Variants in TRPM3 observed in about 807,000 individuals in gnomAD.
TRPM3 encodes long transient receptor potential channel 3.
Under a neutral mutation model 181.2 loss-of-function variants are expected in TRPM3, and 77 were observed. The observed-to-expected ratio is 0.42, with a 90% CI of 0.35 to 0.51. The LOEUF is 0.51. TRPM3 is among the 20% of genes least tolerant of loss of function. The pLI is 0.01. For missense variants in TRPM3, 1,759 were observed against 2,196.7 expected, an observed-to-expected ratio of 0.80 and a Z score of 3.98; for synonymous variants, 745 against 796.4, an observed-to-expected ratio of 0.94 and a Z score of 1.09.
At chr9:71,385,126 G>A (rs2092896729) in intron 1 of TRPM3, among the ~76,000 whole-genome samples, 1 of 152,070 alleles carries the variant, frequency 6.6e-6, no homozygotes, top group Non-Finnish European at 1.5e-5. Flanking sequence ...AGTAGCACAA[G>A]GGGAGCCCAA....
chr9:70,576,494 TCC>T (rs2053982503), intron 22 of TRPM3, among the ~76,000 whole-genome samples: 3 of 149,924 alleles, frequency 2.0e-5, no homozygotes, highest in African/African-American at 7.4e-5. Context: ...CTCCTCCTCC[TCC>T]TCCTCCTTCT....
At chr9:70,808,805 CCTT>C (rs1262148822) in intron 6 of TRPM3, among the ~76,000 whole-genome samples, 7 of 152,288 alleles carry the variant, frequency 4.6e-5, no homozygotes, top group Admixed American at 2.0e-4. Flanking sequence ...TTTTGGAAGG[CCTT>C]TCCCTTGACT....
intron 1 of TRPM3, among the ~76,000 whole-genome samples, chr9:71,182,341 T>A (rs1403965117): frequency 1.3e-5 from 2 of 152,126 alleles, no homozygotes; most frequent in Non-Finnish European, 2.9e-5. Context: ...GGAATTTTAC[T>A]TCCCCAACAA....
At chr9:71,334,667 C>T (rs112917931) in intron 1 of TRPM3, among the ~76,000 whole-genome samples, 2,128 of 152,208 alleles carry the variant, frequency 0.014, 24 homozygotes, top group Middle Eastern at 0.061. Flanking sequence ...TATCCTACTT[C>T]TTATTCAACA....
chr9:71,088,241 G>A (rs1376757699), intron 1 of TRPM3, among the ~76,000 whole-genome samples: 1 of 152,098 alleles, frequency 6.6e-6, no homozygotes, highest in Non-Finnish European at 1.5e-5. Flanking sequence ...CAGAACACTT[G>A]ATTATACCCG....
At chr9:71,233,507 G>T (rs2081190144) in intron 1 of TRPM3, among the ~76,000 whole-genome samples, 1 of 152,034 alleles carries the variant, frequency 6.6e-6, no homozygotes, top group African/African-American at 2.4e-5. Context: ...ATATTATTTT[G>T]CAAAGAAATC....
intron 1 of TRPM3, among the ~76,000 whole-genome samples, chr9:71,134,181 C>A (rs1041972413): frequency 1.3e-5 from 2 of 152,084 alleles, no homozygotes; most frequent in African/African-American, 4.8e-5. Context: ...TCTTAAGTAG[C>A]AATTGTGAAT....
chr9:71,170,861 G>T (rs563373468), intron 1 of TRPM3, among the ~76,000 whole-genome samples: 2 of 152,262 alleles, frequency 1.3e-5, no homozygotes, highest in South Asian at 4.2e-4. Flanking sequence ...AATTGTTCAG[G>T]GAATAAGAGA....
chr9:71,295,007 C>T (rs915763675), intron 1 of TRPM3, among the ~76,000 whole-genome samples: 6 of 152,108 alleles, frequency 3.9e-5, no homozygotes, highest in Non-Finnish European at 7.4e-5. Context: ...GGAGAGTACA[C>T]AGGAAATGTC....
chr9:70,598,839 T>A (rs2059429252), intron 20 of TRPM3, among the ~76,000 whole-genome samples, 169 bp from the exon 21 acceptor site: 1 of 152,254 alleles, frequency 6.6e-6, no homozygotes, highest in Non-Finnish European at 1.5e-5. Flanking sequence ...CTTAGGTGAT[T>A]ATTCAGCTGC....
At chr9:71,081,652 T>C (rs1468714222) in intron 1 of TRPM3, among the ~76,000 whole-genome samples, 1 of 152,142 alleles carries the variant, frequency 6.6e-6, no homozygotes, top group Non-Finnish European at 1.5e-5. Context: ...AAAAATGCTT[T>C]ATGCCATTGT....
chr9:71,100,605 C>G (rs959592984), intron 1 of TRPM3, among the ~76,000 whole-genome samples: 2 of 152,094 alleles, frequency 1.3e-5, no homozygotes, highest in Admixed American at 6.6e-5. Context: ...TAATCATTTC[C>G]TAAATCTTAA....
chr9:70,947,927 T>C (rs1001258597), intron 1 of TRPM3, among the ~76,000 whole-genome samples: 2 of 152,150 alleles, frequency 1.3e-5, no homozygotes, highest in African/African-American at 2.4e-5. Flanking sequence ...GTAGCAAAAC[T>C]AAGTAGGGGA....
At chr9:70,654,838 C>G (rs116317974) in intron 9 of TRPM3, among the ~76,000 whole-genome samples, 2 of 151,576 alleles carry the variant, frequency 1.3e-5, no homozygotes, top group Non-Finnish European at 2.9e-5. Flanking sequence ...ACCTGCACCA[C>G]GCCTGGCTAA....
intron 1 of TRPM3, among the ~76,000 whole-genome samples, chr9:70,970,895 G>A (rs2097237119): frequency 6.6e-6 from 1 of 152,052 alleles, no homozygotes; most frequent in Non-Finnish European, 1.5e-5. Flanking sequence ...AAAGATACAG[G>A]TCCATGATAT....
At chr9:71,121,099 T>A in intron 1 of TRPM3, 79 bp downstream of exon 1, 1 of 1,456,964 alleles carries the variant, frequency 6.9e-7, no homozygotes, top group East Asian at 2.3e-5. Context: ...CAAAGGTGCG[T>A]CCCAGCCCAA....
chr9:70,547,668 C>A (rs1356735152), intron 25 of TRPM3, among the ~76,000 whole-genome samples: 1 of 152,058 alleles, frequency 6.6e-6, no homozygotes, highest in Non-Finnish European at 1.5e-5. Flanking sequence ...GTCTTGAGGT[C>A]ATCTTGGTCT....
At chr9:70,934,793 T>A (rs548221406) in intron 1 of TRPM3, among the ~76,000 whole-genome samples, 2 of 152,282 alleles carry the variant, frequency 1.3e-5, no homozygotes, top group South Asian at 4.1e-4. Context: ...AGTTGAGGCA[T>A]GAGTATGGGA....
In TRPM3 at chr9:70,531,874, C is replaced by T. The variant is rs916296366; in HGVS notation, c.*4079G>A. 1.3e-5 allele frequency: 2 copies of T among 152,012 alleles called. No individual in the cohort carries two copies. The highest frequency in any genetic ancestry group is 4.8e-5 in the African/African-American group (2 of 41,376). The allele number at this position is 152,012 out of a possible 1,614,324, so 9.4% of individuals were successfully genotyped here. A position where few individuals can be genotyped will look rare whatever the true frequency, so the allele number is the denominator to read the frequency against. ...CATATTTTACAGTGGTCCAAAGGAA[C>T]ATGAAAAGCATCAAGCAGATCAGGA... On this transcript the variant is annotated 3_prime_UTR_variant, in exon 26 of 26. Coordinates refer to ENST00000677713, the MANE Select transcript of TRPM3 (RefSeq NM_001366145.2).
Sources: gnomAD v4.1 joint callset for allele counts (sites outside exome capture counted in the v4.1 genomes callset) on GRCh38, gnomAD v4.1.1 for gene constraint, MANE v1.5 for transcripts, NCBI Gene and HGNC (gene_info 2026-07-23, HGNC 2026-07-21) for gene names.